Variants in TBC1D31 observed in about 807,000 individuals in gnomAD.
The protein encoded by TBC1D31 is TBC1 domain family member 31, also known as WD repeat domain 67.
A neutral mutation model predicts 132.9 loss-of-function variants in TBC1D31; 99 were observed. That is an observed-to-expected ratio of 0.74 (90% CI 0.63 to 0.88). The LOEUF is 0.88. Among genes scored for constraint, TBC1D31 ranks in the 40% least tolerant of loss-of-function variants. The pLI is 0.00. For missense variants in TBC1D31, 1,134 were observed against 1,256.6 expected (o/e 0.90, Z 1.48); for synonymous variants, 385 against 419.4 (o/e 0.92, Z 1.00).
chr8:123,077,508 T>C (rs1026445558), intron 2 of TBC1D31, among the ~76,000 whole-genome samples: 3 of 151,784 alleles, frequency 2.0e-5, no homozygotes, highest in African/African-American at 7.3e-5. Flanking sequence ...TTTTTTTTCT[T>C]AAATTTAAAA....
chr8:123,148,447 A>T (rs970025480), intron 20 of TBC1D31, among the ~76,000 whole-genome samples: 1 of 152,100 alleles, frequency 6.6e-6, no homozygotes, highest in African/African-American at 2.4e-5. Flanking sequence ...GGGAGCTGTG[A>T]GATCTCAGCT....
chr8:123,125,596 A>G (rs1281656506), intron 11 of TBC1D31, among the ~76,000 whole-genome samples: 1 of 152,204 alleles, frequency 6.6e-6, no homozygotes, highest in Non-Finnish European at 1.5e-5. Context: ...TTGTTTTTAT[A>G]TATTGCTGAT....
chr8:123,118,795 T>A (rs1373346472), intron 10 of TBC1D31, among the ~76,000 whole-genome samples: 1 of 152,206 alleles, frequency 6.6e-6, no homozygotes, highest in East Asian at 1.9e-4. Context: ...TGCAGTGGTG[T>A]GACTATAGTT....
chr8:123,083,833 GCT>G (rs1368483739), intron 3 of TBC1D31: 1 of 196,622 alleles, frequency 5.1e-6, no homozygotes, highest in African/African-American at 2.3e-5. Context: ...TCCTCAAAGT[GCT>G]CTTTCTAAAA....
chr8:123,076,509 T>C (rs1301481838), intron 1 of TBC1D31, among the ~76,000 whole-genome samples: 1 of 152,206 alleles, frequency 6.6e-6, no homozygotes, highest in East Asian at 1.9e-4. Flanking sequence ...TTTTAAAGAA[T>C]GATTTCTTAA....
At chr8:123,144,926 ATTTT>A in intron 20 of TBC1D31, 71 bp downstream of exon 20, 11 of 1,142,080 alleles carry the variant, frequency 9.6e-6, no homozygotes, top group Non-Finnish European at 1.1e-5. Context: ...TATTATTATG[ATTTT>A]TTTTTTTTTT....
intron 11 of TBC1D31, 75 bp from the exon 12 acceptor site, chr8:123,125,981 C>T: frequency 8.7e-7 from 1 of 1,149,540 alleles, no homozygotes; most frequent in South Asian, 2.0e-5. Flanking sequence ...AGATTGGATA[C>T]ATTTAAGAAT....
chr8:123,078,020 C>A (rs1169681350), intron 2 of TBC1D31, among the ~76,000 whole-genome samples: 2 of 152,180 alleles, frequency 1.3e-5, no homozygotes, highest in African/African-American at 4.8e-5. Context: ...TGCCACTGCA[C>A]TCTAGCCTGG....
At chr8:123,163,345 C>G in the TBC1D31 span, among the ~76,000 whole-genome samples, 6 of 141,640 alleles carry the variant, frequency 4.2e-5, no homozygotes, top group African/African-American at 1.5e-4. Context: ...ATATGTAACA[C>G]AAACTTTATC....
chr8:123,120,236 C>T (rs747564823), intron 11 of TBC1D31, 48 bp downstream of exon 11: 3 of 1,487,764 alleles, frequency 2.0e-6, no homozygotes, highest in East Asian at 2.3e-5. Flanking sequence ...GATTCTTATA[C>T]ATTTTCCTGA....
At chr8:123,129,003 TTTGTGTTTTGATGA>T in intron 14 of TBC1D31, 49 bp from the exon 15 acceptor site, 1 of 1,148,934 alleles carries the variant, frequency 8.7e-7, no homozygotes, top group Non-Finnish European at 1.2e-6. Flanking sequence ...CGGTATACAT[TTTGTGTTTTGATGA>T]TTCTTAGCTT....
intron 10 of TBC1D31, among the ~76,000 whole-genome samples, chr8:123,117,063 C>T (rs1455598160): frequency 6.6e-6 from 1 of 152,138 alleles, no homozygotes; most frequent in East Asian, 1.9e-4. Flanking sequence ...GCCTGCAATC[C>T]CAGCACTTTG....
intron 4 of TBC1D31, among the ~76,000 whole-genome samples, chr8:123,086,630 C>T (rs1390751474): frequency 6.6e-6 from 1 of 152,138 alleles, no homozygotes; most frequent in African/African-American, 2.4e-5. Context: ...TGACTTCCAC[C>T]CTAAGGGAGC....
intron 17 of TBC1D31, among the ~76,000 whole-genome samples, chr8:123,137,004 G>A (rs1333271129): frequency 6.6e-6 from 1 of 152,110 alleles, no homozygotes; most frequent in African/African-American, 2.4e-5. Flanking sequence ...ACATTAGGTT[G>A]ATTAAATGTG....
Position 123,120,180 on chromosome 8 carries a change from C to T in TBC1D31, c.1562C>T (p.Thr521Ile). 1 of 1,601,418 alleles carries T rather than the reference C, an allele frequency of 6.2e-7. No homozygotes were observed. Among genetic ancestry groups the T allele is most frequent in the East Asian group, 2.2e-5 (1 of 44,734 alleles). The change falls in exon 11 of 22, where the codon ACT (threonine) becomes ATT (isoleucine). Residue 521 changes from threonine (T) to isoleucine (I), a missense_variant. Physicochemically the swap from Thr to Ile is moderately conservative, Grantham distance 89 (BLOSUM62 -1). Coordinates refer to ENST00000287380, the MANE Select transcript of TBC1D31 (RefSeq NM_145647.4). ...NQLICFEVIA[T>I]LIINWCQHWF... ...CTCATCTGTTTTGAAGTTATTGCTA[C>T]TCTCATAAGTAAGTAAATACTTGTT...
At chr8:123,104,056 G>A (rs1332153860) in intron 7 of TBC1D31, 6 of 152,102 alleles carry the variant, frequency 3.9e-5, no homozygotes, top group African/African-American at 1.2e-4. Context: ...AGTGTTGAAG[G>A]TTTAACACTA....
At position 123,126,140 on chromosome 8, in the gene TBC1D31, A is replaced by G. The variant is rs775534433; in HGVS notation, c.1655A>G (p.His552Arg). 23 of 1,612,400 alleles carry G rather than the reference A, an allele frequency of 1.4e-5. No individual in the cohort carries two copies. Among genetic ancestry groups the G allele is most frequent in the South Asian group, 8.8e-5 (8 of 90,736 alleles). The change falls in exon 12 of 22, where the codon CAT becomes CGT. Residue 552 changes from histidine to arginine, a missense_variant. His to Arg is a conservative substitution (Grantham distance 29, BLOSUM62 0). Coordinates refer to ENST00000287380, the MANE Select transcript of TBC1D31 (RefSeq NM_145647.4). ...ATGATAGAAAATGTTTTGGCATTTC[A>G]TGACAAGGAACTGCTGCAACACTTC... ...LSMIENVLAF[H>R]DKELLQHFID...
Position 123,122,154 on chromosome 8 carries a change from T to C in TBC1D31, c.1570+1966T>C, listed in dbSNP as rs75289388. On this transcript the variant is annotated intron_variant, in intron 11 of 21. Coordinates refer to ENST00000287380, the MANE Select transcript of TBC1D31 (RefSeq NM_145647.4). ...TGCCATTTCTTCAAAATTCCAAACA[T>C]AGAATTACCGTATAACCCAACCATT... Among the ~76,000 whole-genome samples the C allele has an allele frequency of 4.1e-3, 626 of 152,286 alleles. 5 individuals are homozygous for C. The highest frequency in any genetic ancestry group is 0.014 in the African/African-American group (596 of 41,554).
intron 21 of TBC1D31, among the ~76,000 whole-genome samples, chr8:123,150,777 C>T (rs575449163): frequency 1.3e-5 from 2 of 152,220 alleles, no homozygotes; most frequent in South Asian, 4.2e-4. Context: ...AACAATCTTC[C>T]CAGTAAAGTA....
Sources: gnomAD v4.1 joint callset for allele counts (sites outside exome capture counted in the v4.1 genomes callset) on GRCh38, gnomAD v4.1.1 for gene constraint, MANE v1.5 for transcripts, NCBI Gene and HGNC (gene_info 2026-07-23, HGNC 2026-07-21) for gene names.